SEPTIN9: variants seen among roughly 807,000 people sequenced by gnomAD.
SEPTIN9 encodes the protein septin 9.
In SEPTIN9, 13 loss-of-function variants were observed where a neutral mutation model predicts 56.6. The observed-to-expected ratio is 0.23, with a 90% CI of 0.15 to 0.37. The LOEUF is 0.37. Ranked by LOEUF, SEPTIN9 falls within the 10% of genes least tolerant of loss-of-function variation. The probability of loss-of-function intolerance (pLI) is 1.00; values close to 1 mark genes in which losing one functional copy is unlikely to be tolerated. For missense variants in SEPTIN9, 650 were observed against 823.1 expected, an observed-to-expected ratio of 0.79 and a Z score of 2.57; for synonymous variants, 332 against 334.1, an observed-to-expected ratio of 0.99 and a Z score of 0.07.
At position 77,398,502 on chromosome 17, in the gene SEPTIN9, G is replaced by T. The variant is rs185708032; in HGVS notation, c.77-3557G>T. Among the ~76,000 whole-genome samples the T allele has an allele frequency of 9.2e-5, 14 of 152,290 alleles. No homozygotes were observed. The East Asian group carries it at 2.5e-3, about 27-fold the overall frequency. On this transcript the variant is annotated intron_variant, in intron 2 of 11. Transcript: ENST00000427177. ...TGGCTTTGAGGAGGATTCCCAAGAG[G>T]AGGAGGAGGCGGTGGCATGCTCGTT... is the stretch of plus-strand genomic sequence containing the variant.
intron 2 of SEPTIN9, among the ~76,000 whole-genome samples, chr17:77,383,223 A>G (rs1006075776): frequency 7.5e-6 from 1 of 132,874 alleles, no homozygotes; most frequent in African/African-American, 2.9e-5. Flanking sequence ...TCTCTGACCC[A>G]AGTCCAGGCC....
At position 77,425,503 on chromosome 17, in the gene SEPTIN9, G is replaced by T. The variant is rs967729870; in HGVS notation, c.721+22800G>T. 5.3e-5 allele frequency among the ~76,000 whole-genome samples: 8 copies of T among 152,128 alleles called. No individual in the cohort carries two copies. Among genetic ancestry groups the T allele is most frequent in the Non-Finnish European group, 1.0e-4 (7 of 68,018 alleles). ...TCTCTGGTCATGGGGACGCTGCCTG[G>T]GGGGGGTTCCCTTACATGGAAGGAG... On this transcript the variant is annotated intron_variant, in intron 3 of 11. Transcript: ENST00000427177. This position sits in a 1 kb window ranked among gnomAD's most constrained non-coding sequence, Gnocchi z 4.2.
At chr17:77,284,547 C>T (rs1448316392) in intron 1 of SEPTIN9, among the ~76,000 whole-genome samples, 1 of 152,200 alleles carries the variant, frequency 6.6e-6, no homozygotes, top group Non-Finnish European at 1.5e-5. Flanking sequence ...CAGGCTGCGC[C>T]TCTCCCTGTG....
chr17:77,409,173 T>C (rs1253796197), intron 3 of SEPTIN9, among the ~76,000 whole-genome samples: 1 of 152,082 alleles, frequency 6.6e-6, no homozygotes, highest in Non-Finnish European at 1.5e-5. Context: ...TACTTTGGGA[T>C]TGGGTCTCTT....
chr17:77,497,073 C>T, intron 10 of SEPTIN9: 2 of 589,948 alleles, frequency 3.4e-6, no homozygotes, highest in Non-Finnish European at 6.1e-6. Context: ...TTCTGGAGAG[C>T]AGGAGCTGAG....
chr17:77,324,686 G>C (rs2033064738), intron 2 of SEPTIN9, among the ~76,000 whole-genome samples: 1 of 152,106 alleles, frequency 6.6e-6, no homozygotes, highest in Admixed American at 6.5e-5. Context: ...TGTTTGATTT[G>C]GATGATTGTT....
chr17:77,373,256 G>T, intron 2 of SEPTIN9: 3 of 1,141,150 alleles, frequency 2.6e-6, no homozygotes, highest in Non-Finnish European at 3.2e-6. Context: ...GTGCGGGTGC[G>T]GGAACCTGAT....
chr17:77,445,044 G>A lies in SEPTIN9; in HGVS notation c.722-37100G>A. The A allele has an allele frequency of 1.3e-5, 5 of 383,368 alleles. No individual in the cohort carries two copies. Among genetic ancestry groups the A allele is most frequent in the South Asian group, 5.9e-5 (3 of 51,032 alleles). 23.7% of individuals were successfully genotyped at this position (383,368 alleles called of 1,614,324 possible). ...TGTGCTGAAACAGCCCAGCAGCTGC[G>A]CTGCCTCACAGAAAATGTGCAGAGG... is the stretch of plus-strand genomic sequence containing the variant. On this transcript the variant is annotated intron_variant, in intron 3 of 11. Coordinates refer to ENST00000427177, the MANE Select transcript of SEPTIN9 (RefSeq NM_001113491.2). This position sits in a 1 kb window ranked among gnomAD's most constrained non-coding sequence, Gnocchi z 4.7.
intron 3 of SEPTIN9, among the ~76,000 whole-genome samples, chr17:77,458,427 G>C (rs1277924621): frequency 6.6e-6 from 1 of 152,212 alleles, no homozygotes; most frequent in Non-Finnish European, 1.5e-5. Context: ...AAACCTCAGC[G>C]AGGTCTGCAG....
At chr17:77,482,753 C>T (rs2039511769) in intron 4 of SEPTIN9, 1 of 582,850 alleles carries the variant, frequency 1.7e-6, no homozygotes, top group Non-Finnish European at 3.1e-6. Flanking sequence ...AGCAGCTCAG[C>T]TTCAGCTCTG....
At chr17:77,466,269 G>C (rs568818944) in intron 3 of SEPTIN9, 1 of 400,434 alleles carries the variant, frequency 2.5e-6, no homozygotes, top group Non-Finnish European at 3.4e-6. Context: ...AGATGCAGCC[G>C]AGGAGCCCAG....
chr17:77,432,431 C>G (rs1190804849), intron 3 of SEPTIN9, among the ~76,000 whole-genome samples: 2 of 152,190 alleles, frequency 1.3e-5, no homozygotes, highest in Admixed American at 1.3e-4. Context: ...TTATTCATGG[C>G]CGAGGCCCCG....
chr17:77,445,338 A>C lies in SEPTIN9; in HGVS notation c.722-36806A>C. ...CAGCTCACAAAGGATAGGGAGGGAT[A>C]TTGCTCTTGGCATTTGATGGGAAGC... On this transcript the variant is annotated intron_variant, in intron 3 of 11. Coordinates refer to ENST00000427177, the MANE Select transcript of SEPTIN9 (RefSeq NM_001113491.2). This position sits in a 1 kb window ranked among gnomAD's most constrained non-coding sequence, Gnocchi z 4.7. 1 of 464,694 alleles carries C rather than the reference A, an allele frequency of 2.2e-6. No homozygotes were observed. The highest frequency in any genetic ancestry group is 4.4e-6 in the Non-Finnish European group (1 of 227,014). 28.8% of individuals were successfully genotyped at this position (464,694 alleles called of 1,614,324 possible). A position where few individuals can be genotyped will look rare whatever the true frequency, so the allele number is the denominator to read the frequency against.
Position 77,310,600 on chromosome 17 carries a change from T to G in SEPTIN9, c.76+3403T>G, listed in dbSNP as rs900141286. Reference sequence around the variant, plus strand: ...GAACGTGTGTTTCCCCAGGTGGATTTGGCTGGGCTGTGGAGATGCGCTTCT... The same window carrying G: ...GAACGTGTGTTTCCCCAGGTGGATTGGGCTGGGCTGTGGAGATGCGCTTCT... On this transcript the variant is annotated intron_variant, in intron 2 of 11. Coordinates refer to ENST00000427177, the MANE Select transcript of SEPTIN9 (RefSeq NM_001113491.2). This position sits in a 1 kb window ranked among gnomAD's most constrained non-coding sequence, Gnocchi z 4.7. Among the ~76,000 whole-genome samples, 22 of 147,278 alleles carry G rather than the reference T, an allele frequency of 1.5e-4. No individual in the cohort carries two copies. The highest frequency in any genetic ancestry group is 3.0e-5 in the Non-Finnish European group (2 of 66,650).
At position 77,449,092 on chromosome 17, in the gene SEPTIN9, C is replaced by G. The variant is rs576604153; in HGVS notation, c.722-33052C>G. On this transcript the variant is annotated intron_variant, in intron 3 of 11. Transcript: ENST00000427177. This position sits in a 1 kb window ranked among gnomAD's most constrained non-coding sequence, Gnocchi z 4.6. ...AGCCACTGTGCCTGGCTTGTTCTTA[C>G]ATTTTTTATTGTAGGTGCTGGAAAA... Among the ~76,000 whole-genome samples, 19 of 152,128 alleles carry G rather than the reference C, an allele frequency of 1.2e-4. No homozygotes were observed. The highest frequency in any genetic ancestry group is 1.5e-4 in the Non-Finnish European group (10 of 68,018).
chr17:77,484,425 GGGTGAT>G lies in SEPTIN9; in HGVS notation c.913+2101_913+2106del, dbSNP rs1341682669. Among the ~76,000 whole-genome samples the G allele has an allele frequency of 1.1e-4, 12 of 105,968 alleles. 1 individual carries two copies. The South Asian group carries it at 1.4e-3, about 12-fold the overall frequency. 69.5% of individuals were successfully genotyped at this position (105,968 alleles called of 152,430 possible). On this transcript the variant is annotated intron_variant, in intron 4 of 11. Transcript: ENST00000427177. The stretch of plus-strand genomic sequence containing the variant: ...AGTGGTGGGATGGTAGTGATGATGT[GGGTGAT>G]GGTGATGGTGGTGATGGTGGTGGTG...
Position 77,429,442 on chromosome 17 carries a change from G to C in SEPTIN9, c.721+26739G>C. ...CGATTGCATTTGGGGAGGGACTGAG[G>C]GCTGATTGTGTTGTGGGGATGTTGG... On this transcript the variant is annotated intron_variant, in intron 3 of 11. Transcript: ENST00000427177. The surrounding 1 kb of genome is among the most constrained non-coding windows in gnomAD (Gnocchi z 5.2). The C allele has an allele frequency of 2.6e-6, 1 of 386,676 alleles. No homozygotes were observed. The highest frequency in any genetic ancestry group is 1.9e-5 in the South Asian group (1 of 52,798). 24.0% of individuals were successfully genotyped at this position (386,676 alleles called of 1,614,324 possible). A position where few individuals can be genotyped will look rare whatever the true frequency, so the allele number is the denominator to read the frequency against.
rs72887156 is a variant in SEPTIN9, at chr17:77,456,001, C to T, written c.722-26143C>T. On this transcript the variant is annotated intron_variant, in intron 3 of 11. Transcript: ENST00000427177. The surrounding 1 kb of genome is among the most constrained non-coding windows in gnomAD (Gnocchi z 6.0). ...GCAGGGGACTGCCCTGGAAGATTCC[C>T]GGCACCGCTTCCCATGCGCCACGTG... Among the ~76,000 whole-genome samples, 4,679 of 152,280 alleles carry T rather than the reference C, an allele frequency of 0.031. 112 individuals carry two copies. The highest frequency in any genetic ancestry group is 0.061 in the African/African-American group (2,521 of 41,534).
chr17:77,344,040 C>T (rs1369913097), intron 2 of SEPTIN9, among the ~76,000 whole-genome samples: 1 of 152,122 alleles, frequency 6.6e-6, no homozygotes, highest in Non-Finnish European at 1.5e-5. Context: ...TTCACCAAAA[C>T]TTAAAACTTT....
Sources: allele counts gnomAD v4.1 joint callset (sites outside exome capture counted in the v4.1 genomes callset), GRCh38; gene constraint gnomAD v4.1.1; non-coding constraint Gnocchi (gnomAD v3.1); transcripts MANE v1.5; gene names NCBI Gene and HGNC (gene_info 2026-07-23, HGNC 2026-07-21).